XRCC4: variants seen among roughly 807,000 people sequenced by gnomAD.
The protein encoded by XRCC4 is DNA repair protein XRCC4.
Under a neutral mutation model 39.1 loss-of-function variants are expected in XRCC4, and 28 were observed. That is an observed-to-expected ratio of 0.72 (90% CI 0.53 to 0.98). The LOEUF (loss-of-function observed/expected upper bound fraction) is 0.98, where lower values mean the gene tolerates loss of function less well. XRCC4 is among the 50% of genes least tolerant of loss of function. The pLI, the probability that XRCC4 is intolerant of heterozygous loss-of-function variation, is 0.00. For missense variants in XRCC4, 350 were observed against 376.4 expected, an observed-to-expected ratio of 0.93 and a Z score of 0.58; for synonymous variants, 123 against 126.4, an observed-to-expected ratio of 0.97 and a Z score of 0.18.
chr5:83,085,290 A>G (rs1378075889), intron 1 of XRCC4, among the ~76,000 whole-genome samples: 3 of 152,142 alleles, frequency 2.0e-5, no homozygotes, highest in Non-Finnish European at 2.9e-5. Flanking sequence ...TGACATGCTG[A>G]GACATGTCAA....
chr5:83,258,404 G>T lies in XRCC4; in HGVS notation c.746-126G>T, dbSNP rs1255169505. 5.9e-6 allele frequency: 7 copies of T among 1,178,426 alleles called. No individual in the cohort carries two copies. In the Admixed American group the frequency reaches 1.4e-4, roughly 23 times the overall value. The allele number at this position is 1,178,426 out of a possible 1,614,324, so 73.0% of individuals were successfully genotyped here. On this transcript the variant is annotated intron_variant, in intron 6 of 7. Coordinates refer to ENST00000396027, the MANE Select transcript of XRCC4 (RefSeq NM_003401.5). ...ACTTGATTCAACAAATCTGCATAAA[G>T]ATTTGAAAGAATAGTTTTGCTATAT...
At chr5:83,147,747 T>C (rs1218470703) in intron 3 of XRCC4, among the ~76,000 whole-genome samples, 1 of 151,724 alleles carries the variant, frequency 6.6e-6, no homozygotes, top group Admixed American at 6.6e-5. Flanking sequence ...AATGCATATG[T>C]TAATTAGCTC....
At chr5:83,130,779 G>A (rs1265818969) in intron 3 of XRCC4, among the ~76,000 whole-genome samples, 1 of 152,136 alleles carries the variant, frequency 6.6e-6, no homozygotes, top group Non-Finnish European at 1.5e-5. Flanking sequence ...AGTATTCTCT[G>A]ATGGTAGTTT....
intron 1 of XRCC4, among the ~76,000 whole-genome samples, chr5:83,101,543 T>C: frequency 6.6e-6 from 1 of 152,124 alleles, no homozygotes; most frequent in East Asian, 1.9e-4. Flanking sequence ...GTTGTTCTTT[T>C]AAATAGTGTT....
At chr5:83,253,855 C>T (rs1017847581) in intron 6 of XRCC4, among the ~76,000 whole-genome samples, 5 of 152,138 alleles carry the variant, frequency 3.3e-5, no homozygotes, top group Non-Finnish European at 7.3e-5. Flanking sequence ...GGGAAGCTAA[C>T]TCCCTGCCTT....
intron 6 of XRCC4, among the ~76,000 whole-genome samples, chr5:83,245,197 T>C (rs1217849776): frequency 2.0e-5 from 3 of 151,404 alleles, no homozygotes; most frequent in African/African-American, 7.3e-5. Flanking sequence ...CTGTATTTAA[T>C]GAAAATAAGT....
At chr5:83,078,489 G>C (rs907973369) in intron 1 of XRCC4, among the ~76,000 whole-genome samples, 6 of 152,148 alleles carry the variant, frequency 3.9e-5, no homozygotes, top group Admixed American at 3.9e-4. Flanking sequence ...AAAGAGAGAA[G>C]GTAACTCACG....
At chr5:83,222,073 G>A (rs1752106504) in intron 6 of XRCC4, among the ~76,000 whole-genome samples, 1 of 151,456 alleles carries the variant, frequency 6.6e-6, no homozygotes. Flanking sequence ...ATATATCTGA[G>A]ATCGGTCTTT....
intron 1 of XRCC4, among the ~76,000 whole-genome samples, chr5:83,103,031 TGTCAAC>T (rs1746024200): frequency 1.4e-5 from 2 of 146,304 alleles, no homozygotes; most frequent in Non-Finnish European, 1.5e-5. Flanking sequence ...TATATATATA[TGTCAAC>T]ATATTTCCAT....
chr5:83,162,033 G>T (rs1301828045), intron 3 of XRCC4, among the ~76,000 whole-genome samples: 2 of 152,092 alleles, frequency 1.3e-5, no homozygotes, highest in African/African-American at 4.8e-5. Context: ...CAGGTGTGGT[G>T]GCGGGTGCCT....
At chr5:83,148,869 TA>T (rs28360079) in intron 3 of XRCC4, among the ~76,000 whole-genome samples, 1 of 151,832 alleles carries the variant, frequency 6.6e-6, no homozygotes, top group Non-Finnish European at 1.5e-5. Flanking sequence ...AATGAAGAAA[TA>T]AAAAATAGTA....
intron 7 of XRCC4, among the ~76,000 whole-genome samples, chr5:83,339,798 T>G (rs1756700327): frequency 6.6e-6 from 1 of 152,184 alleles, no homozygotes. Flanking sequence ...CAACCAGCCT[T>G]GCTCTTTAGA....
At chr5:83,141,796 T>C (rs1748189270) in intron 3 of XRCC4, among the ~76,000 whole-genome samples, 2 of 152,020 alleles carry the variant, frequency 1.3e-5, no homozygotes, top group South Asian at 4.1e-4. Flanking sequence ...TCCCAAAATA[T>C]TAATCTGGAA....
chr5:83,169,444 G>A (rs982321408), intron 3 of XRCC4, among the ~76,000 whole-genome samples: 3 of 151,980 alleles, frequency 2.0e-5, no homozygotes, highest in African/African-American at 7.3e-5. Context: ...TTAATCTAAA[G>A]CATTTTTTTG....
At chr5:83,120,511 T>C (rs1186398746) in intron 3 of XRCC4, among the ~76,000 whole-genome samples, 3 of 152,240 alleles carry the variant, frequency 2.0e-5, no homozygotes, top group Non-Finnish European at 4.4e-5. Flanking sequence ...CAGCTTTACA[T>C]GTTTTAGAAT....
chr5:83,367,911 A>T, the XRCC4 span, among the ~76,000 whole-genome samples: 14 of 152,026 alleles, frequency 9.2e-5, no homozygotes, highest in African/African-American at 2.7e-4. Flanking sequence ...TCAATATTTT[A>T]GTGGCCCTCA....
intron 6 of XRCC4, among the ~76,000 whole-genome samples, chr5:83,249,886 C>T (rs976942977): frequency 2.0e-5 from 3 of 152,056 alleles, no homozygotes; most frequent in African/African-American, 7.2e-5. Flanking sequence ...ATTCCCTCTA[C>T]CATTTCTTTT....
Position 83,104,961 on chromosome 5 carries a change from C to G in XRCC4, c.42C>G (p.Pro14=), listed in dbSNP as rs764069879. ...GCAGAATCCACCTTGTTTCTGAACCCAGTATAACTCATTTTCTACAAGTAT... is the reference window on the plus strand; with the variant it reads ...GCAGAATCCACCTTGTTTCTGAACCGAGTATAACTCATTTTCTACAAGTAT... ...KISRIHLVSE[P]SITHFLQVSW... is the part of the protein sequence containing the mutation. The change falls in exon 2 of 8, where the codon CCC becomes CCG. Residue 14 remains proline, a synonymous_variant. Transcript: ENST00000396027. 1.2e-6 allele frequency: 2 copies of G among 1,613,406 alleles called. No individual in the cohort carries two copies. Among genetic ancestry groups the G allele is most frequent in the South Asian group, 1.1e-5 (1 of 91,058 alleles).
chr5:83,340,021 G>A (rs997462963), intron 7 of XRCC4, among the ~76,000 whole-genome samples: 7 of 152,066 alleles, frequency 4.6e-5, no homozygotes, highest in Non-Finnish European at 1.0e-4. Flanking sequence ...TAGTGGTCGC[G>A]AGCCTGTCTC....
Sources: allele counts gnomAD v4.1 joint callset (sites outside exome capture counted in the v4.1 genomes callset), GRCh38; gene constraint gnomAD v4.1.1; transcripts MANE v1.5; gene names NCBI Gene and HGNC (gene_info 2026-07-23, HGNC 2026-07-21).